CLHC1: variants seen among roughly 807,000 people sequenced by gnomAD.
CLHC1 encodes the protein clathrin heavy chain linker domain-containing protein 1.
A neutral mutation model predicts 69.5 loss-of-function variants in CLHC1; 72 were observed. The observed-to-expected ratio is 1.04, with a 90% CI of 0.86 to 1.26. The LOEUF is 1.26. Among genes scored for constraint, CLHC1 ranks in the 50% most tolerant of loss-of-function variants. CLHC1 has a pLI of 0.00. For missense variants in CLHC1, 790 were observed against 679.3 expected (o/e 1.16, Z -1.81); for synonymous variants, 223 against 224.3 (o/e 0.99, Z 0.05).
At chr2:55,227,763 C>T (rs544150873) in intron 2 of CLHC1, among the ~76,000 whole-genome samples, 4 of 151,980 alleles carry the variant, frequency 2.6e-5, no homozygotes, top group East Asian at 1.9e-4. Context: ...CATTTGGACA[C>T]CAGTGGCTTC....
intron 9 of CLHC1, among the ~76,000 whole-genome samples, chr2:55,182,602 G>A (rs895628118): frequency 6.6e-6 from 1 of 152,102 alleles, no homozygotes; most frequent in Non-Finnish European, 1.5e-5. Flanking sequence ...AGACAGTTTA[G>A]AGAGAACTAC....
At position 55,220,259 on chromosome 2, in the gene CLHC1, G is replaced by A. The variant is rs1215041751; in HGVS notation, c.177+1976C>T. Among the ~76,000 whole-genome samples, 3 of 152,128 alleles carry A rather than the reference G, an allele frequency of 2.0e-5. No individual in the cohort carries two copies. The East Asian group carries it at 5.8e-4, about 29-fold the overall frequency. Reference sequence around the variant, plus strand: ...TTCCAAATACCCAGAGATGCAAGCTGACACTTTTATCTTCTGCCCAACTAG... The same window carrying A: ...TTCCAAATACCCAGAGATGCAAGCTAACACTTTTATCTTCTGCCCAACTAG... On this transcript the variant is annotated intron_variant, in intron 3 of 12. Coordinates refer to ENST00000401408, the MANE Select transcript of CLHC1 (RefSeq NM_152385.4).
chr2:55,180,209 T>C (rs975259712), intron 11 of CLHC1, among the ~76,000 whole-genome samples: 1 of 152,092 alleles, frequency 6.6e-6, no homozygotes, highest in South Asian at 2.1e-4. Flanking sequence ...AAATCATATA[T>C]GTAGTATGTT....
chr2:55,228,965 C>T (rs1674982736), intron 1 of CLHC1, among the ~76,000 whole-genome samples: 1 of 152,018 alleles, frequency 6.6e-6, no homozygotes, highest in Non-Finnish European at 1.5e-5. Flanking sequence ...GTCTGGCCAA[C>T]ATGGCAAAAC....
intron 9 of CLHC1, among the ~76,000 whole-genome samples, chr2:55,183,916 G>A (rs1291266300): frequency 2.6e-4 from 40 of 151,972 alleles, no homozygotes; most frequent in Non-Finnish European, 5.9e-5. Flanking sequence ...ATTTAGATGG[G>A]ACTACAGGTG....
chr2:55,224,842 T>C (rs975758847), intron 2 of CLHC1: 1 of 293,122 alleles, frequency 3.4e-6, no homozygotes, highest in Middle Eastern at 4.5e-4. Context: ...TTCTCGGACA[T>C]TGAGTGCAGC....
In CLHC1 at chr2:55,174,556, T is replaced by C. The variant is rs1409821694; in HGVS notation, c.*1234A>G. 6.6e-6 allele frequency among the ~76,000 whole-genome samples: 1 copy of C among 152,174 alleles called. No homozygotes were observed. The highest frequency in any genetic ancestry group is 1.5e-5 in the Non-Finnish European group (1 of 68,034). The stretch of plus-strand genomic sequence containing the variant: ...GTTATACACTTACACTACACATACA[T>C]TATCACTAATCCTCACAACAAGCCT... On this transcript the variant is annotated 3_prime_UTR_variant, in exon 13 of 13. Coordinates refer to ENST00000401408, the MANE Select transcript of CLHC1 (RefSeq NM_152385.4).
rs557034847 is a variant in CLHC1 at position 55,224,267 on chromosome 2, G to A, written c.-82-1774C>T. On this transcript the variant is annotated intron_variant, in intron 2 of 12. Transcript: ENST00000401408. The stretch of plus-strand genomic sequence containing the variant: ...AGCTGATAATGTACTTGATTCCACA[G>A]TCAAAGGAGCTGGATGGCGTCCCAT... The A allele has an allele frequency of 1.6e-3, 593 of 380,190 alleles. 1 individual carries two copies. The highest frequency in any genetic ancestry group is 2.2e-3 in the Non-Finnish European group (418 of 187,504). 23.6% of individuals were successfully genotyped at this position (380,190 alleles called of 1,614,324 possible).
At chr2:55,218,571 A>G (rs1025550395) in intron 3 of CLHC1, 4 of 152,188 alleles carry the variant, frequency 2.6e-5, no homozygotes, top group Admixed American at 6.5e-5. Flanking sequence ...CTCTGGAAGG[A>G]TAACAGAAGA....
chr2:55,223,519 T>G (rs1181110259), intron 2 of CLHC1, among the ~76,000 whole-genome samples: 3 of 152,122 alleles, frequency 2.0e-5, no homozygotes, highest in African/African-American at 2.4e-5. Context: ...CGTGGCCTGC[T>G]GTGCTCCGAG....
intron 2 of CLHC1, among the ~76,000 whole-genome samples, chr2:55,222,860 C>T (rs768228756): frequency 9.9e-5 from 13 of 130,828 alleles, no homozygotes; most frequent in Non-Finnish European, 9.2e-5. Context: ...GGCGGAGTTG[C>T]GGTGAGCCGA....
At chr2:55,212,879 AG>A in intron 4 of CLHC1, 73 bp from the exon 5 acceptor site, 4 of 1,142,018 alleles carry the variant, frequency 3.5e-6, no homozygotes, top group Non-Finnish European at 5.2e-6. Flanking sequence ...AAAGTCAAAC[AG>A]GTTAAATCAT....
chr2:55,226,793 G>A (rs1674752265), intron 2 of CLHC1, among the ~76,000 whole-genome samples: 3 of 152,198 alleles, frequency 2.0e-5, no homozygotes, highest in African/African-American at 7.2e-5. Context: ...CACCATGTCT[G>A]GGTAATTTTT....
intron 3 of CLHC1, among the ~76,000 whole-genome samples, chr2:55,221,110 T>G (rs1035581586): frequency 1.7e-4 from 26 of 152,186 alleles, no homozygotes; most frequent in Admixed American, 1.7e-3. Flanking sequence ...ATAAGAGTCA[T>G]AGTGTGTAAT....
chr2:55,204,715 T>C (rs1672273438), intron 9 of CLHC1, among the ~76,000 whole-genome samples: 1 of 151,974 alleles, frequency 6.6e-6, no homozygotes, highest in Admixed American at 6.6e-5. Flanking sequence ...GGAAAGAAAA[T>C]GTGGTACGTA....
chr2:55,229,252 G>C (rs971520550), intron 1 of CLHC1, among the ~76,000 whole-genome samples: 2 of 151,832 alleles, frequency 1.3e-5, no homozygotes, highest in East Asian at 3.8e-4. Flanking sequence ...AACAAGGTAT[G>C]GGGGATAGAG....
At chr2:55,208,865 C>CCTTT (rs1553353361) in intron 7 of CLHC1, among the ~76,000 whole-genome samples, 155 bp from the exon 8 acceptor site, 2 of 90,818 alleles carry the variant, frequency 2.2e-5, no homozygotes, top group Admixed American at 1.3e-4. Context: ...TCCCTTTCCT[C>CCTTT]TTTTTTTTTT....
rs142150385 is a variant in CLHC1, at chr2:55,184,168, C to T, written c.1007-2424G>A. On this transcript the variant is annotated intron_variant, in intron 9 of 12. Coordinates refer to ENST00000401408, the MANE Select transcript of CLHC1 (RefSeq NM_152385.4). ...TTGCCCAGGCTGGAGTGCAGTGGCA[C>T]GATCACGGCTCACTGTAATCTTAAC... Among the ~76,000 whole-genome samples the T allele has an allele frequency of 1.6e-3, 238 of 147,810 alleles. 2 individuals carry two copies. Among genetic ancestry groups the T allele is most frequent in the Middle Eastern group, 6.9e-3 (2 of 290 alleles).
chr2:55,217,552 A>AATATATATATATATATATATAT (rs781577612), intron 4 of CLHC1, among the ~76,000 whole-genome samples: 1 of 43,162 alleles, frequency 2.3e-5, no homozygotes, highest in East Asian at 7.4e-4. Flanking sequence ...AAAAAAAAAA[A>AATATATATATATATATATATAT]ATATATATAT....
Sources: gnomAD v4.1 joint callset for allele counts (sites outside exome capture counted in the v4.1 genomes callset) on GRCh38, gnomAD v4.1.1 for gene constraint, MANE v1.5 for transcripts, NCBI Gene and HGNC (gene_info 2026-07-23, HGNC 2026-07-21) for gene names.